The following ADAM18 variants were observed in gnomAD, a reference collection of about 807,000 sequenced individuals.
The protein encoded by ADAM18 is ADAM metallopeptidase domain 18.
ADAM18 carries 117 observed loss-of-function variants against 94.4 expected under a neutral mutation model. The ratio of observed to expected loss-of-function variants is 1.24; its 90% confidence interval spans 1.07 to 1.45. The LOEUF (loss-of-function observed/expected upper bound fraction) is 1.45. Among genes scored for constraint, ADAM18 ranks in the 40% most tolerant of loss-of-function variants. The pLI, the probability that ADAM18 is intolerant of heterozygous loss-of-function variation, is 0.00. For missense variants in ADAM18, 936 were observed against 880.0 expected, an observed-to-expected ratio of 1.06 and a Z score of -0.81; for synonymous variants, 327 against 291.6, an observed-to-expected ratio of 1.12 and a Z score of -1.24.
chr8:39,596,134 C>T (rs72641285), intron 2 of ADAM18, among the ~76,000 whole-genome samples: 27,212 of 152,070 alleles, frequency 0.18, 2,608 homozygotes, highest in Admixed American at 0.24. Context: ...TATGGATGTG[C>T]GGCCTCGCTG....
intron 13 of ADAM18, among the ~76,000 whole-genome samples, chr8:39,665,300 T>G (rs368010945): frequency 3.3e-5 from 5 of 152,320 alleles, no homozygotes; most frequent in African/African-American, 1.2e-4. Flanking sequence ...ATTAGTAGTA[T>G]TGCAAGGATT....
At position 39,645,402 on chromosome 8, in the gene ADAM18, T is replaced by A; in HGVS notation, c.974T>A (p.Val325Glu). ...VIIAQLLGLN[V>E]GLTYDDITQC... ...ATAGCTCAACTGCTTGGCCTTAATG[T>A]AGGATTAACATATGATGACATCACT... Residue 325 changes from valine to glutamate, a missense_variant, in exon 11 of 20, where the codon GTA (valine) becomes GAA (glutamate). By Grantham distance (121) the Val-to-Glu change is moderately radical (BLOSUM62 -2). Transcript: ENST00000265707. 6.2e-7 allele frequency: 1 copy of A among 1,612,726 alleles called. No individual in the cohort carries two copies. The highest frequency in any genetic ancestry group is 1.3e-5 in the African/African-American group (1 of 75,010).
chr8:39,676,961 CA>C (rs1475543343), intron 14 of ADAM18, among the ~76,000 whole-genome samples: 1 of 152,174 alleles, frequency 6.6e-6, no homozygotes, highest in Non-Finnish European at 1.5e-5. Context: ...TCCAATCCAT[CA>C]GTGATTTTAT....
At chr8:39,653,318 A>T (rs1202803223) in intron 12 of ADAM18, among the ~76,000 whole-genome samples, 1 of 152,146 alleles carries the variant, frequency 6.6e-6, no homozygotes, top group Non-Finnish European at 1.5e-5. Context: ...TTTTAAAAAA[A>T]ACAACAATAA....
intron 6 of ADAM18, among the ~76,000 whole-genome samples, chr8:39,612,972 C>T (rs1427243613): frequency 6.6e-6 from 1 of 152,108 alleles, no homozygotes; most frequent in African/African-American, 2.4e-5. Flanking sequence ...GCAGCCTCAC[C>T]CCTGCCAGTA....
intron 2 of ADAM18, among the ~76,000 whole-genome samples, chr8:39,587,429 A>G (rs950240418): frequency 1.7e-4 from 26 of 152,052 alleles, no homozygotes; most frequent in Admixed American, 6.5e-5. Flanking sequence ...CTCTGCTTTT[A>G]TGATTTCCAC....
chr8:39,729,574 T>C (rs530275477), intron 19 of ADAM18, among the ~76,000 whole-genome samples: 53 of 152,274 alleles, frequency 3.5e-4, no homozygotes, highest in Admixed American at 2.6e-3. Context: ...TTGATTGTTT[T>C]TACATAGTCA....
chr8:39,720,227 C>G (rs1198524224), intron 18 of ADAM18, among the ~76,000 whole-genome samples: 1 of 151,396 alleles, frequency 6.6e-6, no homozygotes, highest in Admixed American at 6.6e-5. Flanking sequence ...CAGTCTTGTT[C>G]TATTTATATA....
At chr8:39,599,956 T>G (rs1818855575) in intron 2 of ADAM18, among the ~76,000 whole-genome samples, 1 of 152,060 alleles carries the variant, frequency 6.6e-6, no homozygotes, top group African/African-American at 2.4e-5. Flanking sequence ...CAGTACCATA[T>G]TCAATAAAAA....
intron 6 of ADAM18, among the ~76,000 whole-genome samples, chr8:39,620,505 A>G (rs1215720458): frequency 6.7e-6 from 1 of 148,416 alleles, no homozygotes; most frequent in Non-Finnish European, 1.5e-5. Context: ...GAACAGGTAA[A>G]CATACTTTCT....
At chr8:39,615,678 T>G (rs1819417420) in intron 6 of ADAM18, among the ~76,000 whole-genome samples, 1 of 151,814 alleles carries the variant, frequency 6.6e-6, no homozygotes, top group Non-Finnish European at 1.5e-5. Flanking sequence ...CACTCACCAC[T>G]CCCATTCAAC....
chr8:39,675,842 A>G (rs142725692), intron 14 of ADAM18, among the ~76,000 whole-genome samples: 5 of 152,062 alleles, frequency 3.3e-5, no homozygotes, highest in African/African-American at 1.2e-4. Flanking sequence ...CATTGATGCT[A>G]TTTCTTTCTG....
intron 16 of ADAM18, among the ~76,000 whole-genome samples, chr8:39,690,839 C>T (rs34466265): frequency 0.27 from 41,511 of 152,092 alleles, 6,470 homozygotes; most frequent in East Asian, 0.75. Flanking sequence ...TTTGACCCAA[C>T]CATCCCACTT....
chr8:39,660,561 A>T (rs1222086572), intron 12 of ADAM18, among the ~76,000 whole-genome samples: 1 of 152,196 alleles, frequency 6.6e-6, no homozygotes, highest in Non-Finnish European at 1.5e-5. Flanking sequence ...TTATAAATGC[A>T]TCCAATACTG....
chr8:39,636,523 A>C, intron 7 of ADAM18, among the ~76,000 whole-genome samples: 1 of 152,156 alleles, frequency 6.6e-6, no homozygotes. Flanking sequence ...TTCATTCCTG[A>C]TGTTGGCAAT....
chr8:39,715,838 A>G (rs1822556585), intron 18 of ADAM18, among the ~76,000 whole-genome samples: 1 of 152,058 alleles, frequency 6.6e-6, no homozygotes, highest in East Asian at 1.9e-4. Flanking sequence ...GCCCAGATAT[A>G]GCCACCGGTG....
intron 12 of ADAM18, among the ~76,000 whole-genome samples, chr8:39,650,097 G>A (rs1293263182): frequency 6.6e-6 from 1 of 152,032 alleles, no homozygotes; most frequent in African/African-American, 2.4e-5. Flanking sequence ...TGAGTAATTT[G>A]AACTATATGA....
rs550333970 is a variant in ADAM18 at position 39,648,998 on chromosome 8, T to A, written c.1230+471T>A. 4.6e-5 allele frequency among the ~76,000 whole-genome samples: 7 copies of A among 152,334 alleles called. No individual in the cohort carries two copies. In the South Asian group the frequency reaches 1.4e-3, roughly 32 times the overall value. ...AATGACCAAAATTTGTTTTATTTATTCATTTTAAAATATATGTATATACCC... is the reference window on the plus strand; with the variant it reads ...AATGACCAAAATTTGTTTTATTTATACATTTTAAAATATATGTATATACCC... On this transcript the variant is annotated intron_variant, in intron 12 of 19. Transcript: ENST00000265707.
Position 39,645,029 on chromosome 8 carries a change from G to T in ADAM18, c.910-309G>T, listed in dbSNP as rs527871110. ...ACACTGAATTGATATCTATTCATTG[G>T]ATGAACTGATTCAATGAGAAAGTGA... On this transcript the variant is annotated intron_variant, in intron 10 of 19. Coordinates refer to ENST00000265707, the MANE Select transcript of ADAM18 (RefSeq NM_014237.3). 1.5e-4 allele frequency among the ~76,000 whole-genome samples: 23 copies of T among 152,148 alleles called. No homozygotes were observed. The South Asian group carries it at 4.8e-3, about 32-fold the overall frequency.
Sources: allele counts gnomAD v4.1 joint callset (sites outside exome capture counted in the v4.1 genomes callset), GRCh38; gene constraint gnomAD v4.1.1; transcripts MANE v1.5; gene names NCBI Gene and HGNC (gene_info 2026-07-23, HGNC 2026-07-21).